The following EVC variants were observed in gnomAD, a reference collection of about 807,000 sequenced individuals.
The protein encoded by EVC is evC complex member EVC.
EVC carries 116 observed loss-of-function variants against 118.9 expected under a neutral mutation model. The ratio of observed to expected loss-of-function variants is 0.98; its 90% CI spans 0.84 to 1.14. The LOEUF (loss-of-function observed/expected upper bound fraction) is 1.14. Ranked by LOEUF, EVC falls within the 50% of genes most tolerant of loss-of-function variation. The pLI is 0.00. For missense variants in EVC, 1,401 were observed against 1,246.4 expected, an observed-to-expected ratio of 1.12 and a Z score of -1.87; for synonymous variants, 619 against 534.7, an observed-to-expected ratio of 1.16 and a Z score of -2.18.
intron 9 of EVC, among the ~76,000 whole-genome samples, 169 bp downstream of exon 9, chr4:5,753,221 C>G (rs1471262928): frequency 6.6e-6 from 1 of 152,216 alleles, no homozygotes; most frequent in Admixed American, 6.5e-5. Context: ...CTCTGGGGCT[C>G]TCTTCCCTTC....
Position 5,756,471 on chromosome 4 carries a change from G to C in EVC, c.1563+109G>C. The C allele has an allele frequency of 3.5e-6, 3 of 857,202 alleles. No homozygotes were observed. Among genetic ancestry groups the C allele is most frequent in the South Asian group, 2.9e-5 (2 of 69,830 alleles). The allele number at this position is 857,202 out of a possible 1,614,324, so 53.1% of individuals were successfully genotyped here. A position where few individuals can be genotyped will look rare whatever the true frequency, so the allele number is the denominator to read the frequency against. ...CCAGAGGTGGTTCAGGTCCAACCCC[G>C]CACTCATTGGCCGGTGATCCACGCA... On this transcript the variant is annotated intron_variant, in intron 11 of 20. Coordinates refer to ENST00000264956, the MANE Select transcript of EVC (RefSeq NM_153717.3). The surrounding 1 kb of genome is among the most constrained non-coding windows in gnomAD (Gnocchi z 4.2).
chr4:5,828,012 G>A, the EVC span: 948 of 983,744 alleles, frequency 9.6e-4, 10 homozygotes, highest in African/African-American at 0.016. Flanking sequence ...AGGAAGGAAA[G>A]GAAGAAAGGG....
At chr4:5,753,717 A>C in intron 9 of EVC, 68 bp from the exon 10 acceptor site, 1 of 1,601,110 alleles carries the variant, frequency 6.2e-7, no homozygotes, top group Non-Finnish European at 8.6e-7. Flanking sequence ...AGGAGAAAGC[A>C]TGAGGGTCCC....
chr4:5,780,867 T>C (rs1224525023), intron 11 of EVC, among the ~76,000 whole-genome samples: 1 of 152,226 alleles, frequency 6.6e-6, no homozygotes, highest in Admixed American at 6.5e-5. Flanking sequence ...AGGGAAAAGC[T>C]ACAAGGCGTA....
the EVC span, chr4:5,825,558 A>G: frequency 1.3e-6 from 2 of 1,597,852 alleles, no homozygotes; most frequent in South Asian, 2.3e-5. The surrounding 1 kb of genome is among the most constrained non-coding windows in gnomAD (Gnocchi z 4.4). Flanking sequence ...TAGAAGGCGA[A>G]GATTTGGCTG....
intron 11 of EVC, among the ~76,000 whole-genome samples, chr4:5,760,798 C>T (rs937576881): frequency 6.6e-6 from 1 of 152,140 alleles, no homozygotes; most frequent in African/African-American, 2.4e-5. Flanking sequence ...GTGATCCACT[C>T]GCCTTGGCCT....
chr4:5,807,581 C>T (rs567799154), intron 17 of EVC, among the ~76,000 whole-genome samples: 49 of 152,272 alleles, frequency 3.2e-4, no homozygotes, highest in African/African-American at 1.1e-3. Context: ...CGGAGGGCAT[C>T]CAGAGAGGGA....
chr4:5,740,737 C>A (rs1201465379), intron 5 of EVC, among the ~76,000 whole-genome samples: 1 of 152,142 alleles, frequency 6.6e-6, no homozygotes, highest in Admixed American at 6.5e-5. Context: ...TTTCCAAACT[C>A]AGCTGAAGAC....
chr4:5,727,310 C>G lies in EVC; in HGVS notation c.301-1997C>G, dbSNP rs1051796703. Among the ~76,000 whole-genome samples, 333 of 152,304 alleles carry G rather than the reference C, an allele frequency of 2.2e-3. 2 individuals carry two copies. Among genetic ancestry groups the G allele is most frequent in the Non-Finnish European group, 3.7e-3 (254 of 68,036 alleles). ...CTCATTGTGGTTTTGATGTGCATTT[C>G]TCTGATGGCCAGTGATGATGAGCAT... On this transcript the variant is annotated intron_variant, in intron 2 of 20. Transcript: ENST00000264956.
intron 11 of EVC, among the ~76,000 whole-genome samples, chr4:5,774,981 C>T (rs1210090083): frequency 4.6e-5 from 7 of 151,034 alleles, no homozygotes; most frequent in African/African-American, 1.7e-4. Context: ...CAGGATCCAG[C>T]ACATTTCTTA....
chr4:5,725,688 T>C (rs1725699139), intron 2 of EVC, among the ~76,000 whole-genome samples: 1 of 152,230 alleles, frequency 6.6e-6, no homozygotes, highest in South Asian at 2.1e-4. Context: ...ACTCTGATGA[T>C]AGTTTCTTTT....
intron 14 of EVC, 34 bp downstream of exon 14, chr4:5,797,266 A>T (rs754002516): frequency 1.3e-6 from 2 of 1,536,554 alleles, no homozygotes; most frequent in East Asian, 4.7e-5. Flanking sequence ...CCCATTCCAG[A>T]CAGGCGGTGC....
At chr4:5,828,476 C>A in the EVC span, 36 of 1,611,648 alleles carry the variant, frequency 2.2e-5, no homozygotes, top group Non-Finnish European at 3.0e-5. Flanking sequence ...CGCTCCCCTG[C>A]AGACACACTC....
chr4:5,804,317 TGGG>T (rs1241614081), intron 16 of EVC, among the ~76,000 whole-genome samples: 1 of 152,176 alleles, frequency 6.6e-6, no homozygotes, highest in East Asian at 1.9e-4. Flanking sequence ...CTCCAAGAAA[TGGG>T]GCATAACTTC....
chr4:5,768,015 T>C lies in EVC; in HGVS notation c.1563+11653T>C, dbSNP rs181711761. On this transcript the variant is annotated intron_variant, in intron 11 of 20. Transcript: ENST00000264956. Reference sequence around the variant, plus strand: ...TTTGTTCATTCATTCATTCGTTCATTCATTCATTCATTCAAGTATTGTTAA... The same window carrying C: ...TTTGTTCATTCATTCATTCGTTCATCCATTCATTCATTCAAGTATTGTTAA... 6.8e-4 allele frequency among the ~76,000 whole-genome samples: 103 copies of C among 152,232 alleles called. 1 individual carries two copies. The highest frequency in any genetic ancestry group is 2.2e-3 in the African/African-American group (90 of 41,466).
At chr4:5,821,752 A>T in the EVC span, 1 of 1,605,294 alleles carries the variant, frequency 6.2e-7, no homozygotes, top group Non-Finnish European at 8.5e-7. The surrounding 1 kb of genome is among the most constrained non-coding windows in gnomAD (Gnocchi z 4.4). Context: ...TCCTCCGCGC[A>T]TCCACGTTCA....
chr4:5,713,192 T>C (rs1424859108), intron 1 of EVC, among the ~76,000 whole-genome samples: 6 of 152,212 alleles, frequency 3.9e-5, no homozygotes, highest in African/African-American at 1.4e-4. Context: ...GTGGCAGCCA[T>C]GGAGGGGTCT....
intron 2 of EVC, among the ~76,000 whole-genome samples, chr4:5,728,064 T>C (rs1396984072): frequency 6.6e-6 from 1 of 152,014 alleles, no homozygotes; most frequent in African/African-American, 2.4e-5. Context: ...GGGCTCTTTT[T>C]TGGTTCCATA....
At position 5,782,704 on chromosome 4, in the gene EVC, C is replaced by T. The variant is rs938849627; in HGVS notation, c.1564-848C>T. On this transcript the variant is annotated intron_variant, in intron 11 of 20. Coordinates refer to ENST00000264956, the MANE Select transcript of EVC (RefSeq NM_153717.3). ...ATGATAAGACAAGAGGCAGGACAGC[C>T]GGAGCCATCTCTGAGCTGCCTGGAA... Among the ~76,000 whole-genome samples, 12 of 152,004 alleles carry T rather than the reference C, an allele frequency of 7.9e-5. No individual in the cohort carries two copies. In the South Asian group the frequency reaches 1.0e-3, roughly 13 times the overall value.
Sources: gnomAD v4.1 joint callset for allele counts (sites outside exome capture counted in the v4.1 genomes callset) on GRCh38, gnomAD v4.1.1 for gene constraint, Gnocchi (gnomAD v3.1) non-coding constraint, MANE v1.5 for transcripts, NCBI Gene and HGNC (gene_info 2026-07-23, HGNC 2026-07-21) for gene names.